CABLES1: variants seen among roughly 807,000 people sequenced by gnomAD.
CABLES1 encodes CDK5 and ABL1 enzyme substrate 1.
Under a neutral mutation model 57.8 loss-of-function variants are expected in CABLES1, and 36 were observed. The ratio of observed to expected loss-of-function variants is 0.62; its 90% CI spans 0.48 to 0.82. The LOEUF (loss-of-function observed/expected upper bound fraction) is 0.82, where lower values mean the gene tolerates loss of function less well. Ranked by LOEUF, CABLES1 falls within the 40% of genes least tolerant of loss-of-function variation. The pLI is 0.00. For missense variants in CABLES1, 767 were observed against 836.6 expected (o/e 0.92, Z 1.03); for synonymous variants, 374 against 363.0 (o/e 1.03, Z -0.35).
intron 4 of CABLES1, among the ~76,000 whole-genome samples, chr18:23,230,794 G>A (rs1336871701): frequency 6.6e-6 from 1 of 152,130 alleles, no homozygotes; most frequent in Non-Finnish European, 1.5e-5. Flanking sequence ...GTGCAAAGAA[G>A]GGCCTGGAAC....
chr18:23,188,695 G>T (rs1276144997), intron 1 of CABLES1, 143 bp from the exon 2 acceptor site: 1 of 678,778 alleles, frequency 1.5e-6, no homozygotes, highest in Non-Finnish European at 2.7e-6. Flanking sequence ...TGGGAACATG[G>T]CAGCCTCTTA....
intron 1 of CABLES1, among the ~76,000 whole-genome samples, chr18:23,167,788 T>C (rs1965752809): frequency 6.6e-6 from 1 of 151,816 alleles, no homozygotes; most frequent in South Asian, 2.1e-4. Flanking sequence ...CCAGGCTTGC[T>C]GCAGGTCGTT....
At chr18:23,176,266 G>A (rs982679959) in intron 1 of CABLES1, among the ~76,000 whole-genome samples, 2 of 152,158 alleles carry the variant, frequency 1.3e-5, no homozygotes, top group Non-Finnish European at 2.9e-5. Flanking sequence ...TGTTCCACCT[G>A]AGATCATTGG....
chr18:23,138,684 A>T (rs1386509941), intron 1 of CABLES1, among the ~76,000 whole-genome samples: 2 of 152,218 alleles, frequency 1.3e-5, no homozygotes, highest in East Asian at 3.8e-4. Context: ...GCACAGACTC[A>T]CTTGAATAAG....
chr18:23,135,054 A>G (rs2046807469), upstream of CABLES1, among the ~76,000 whole-genome samples: 1 of 151,880 alleles, frequency 6.6e-6, no homozygotes, highest in Non-Finnish European at 1.5e-5. Flanking sequence ...GCAGTCCAAA[A>G]CTCTGCAACG....
intron 2 of CABLES1, 65 bp downstream of exon 2, chr18:23,188,974 GT>G (rs2047222533): frequency 1.8e-6 from 2 of 1,128,166 alleles, no homozygotes; most frequent in Non-Finnish European, 2.6e-6. Context: ...ATTGATTTTG[GT>G]TTTTTAACTT....
At chr18:23,197,809 G>A (rs2047295554) in intron 3 of CABLES1, 4 of 152,218 alleles carry the variant, frequency 2.6e-5, no homozygotes, top group African/African-American at 7.2e-5. Context: ...AAGAACACTG[G>A]ATTTTAGGAA....
rs1237475602 is a variant in CABLES1 at position 23,259,980 on chromosome 18, CT to C, written c.*2617del. On this transcript the variant is annotated 3_prime_UTR_variant, in exon 10 of 10. Transcript: ENST00000256925. ...AATACTAGCCGGTTCTGCCTGATTC[CT>C]TTTCCCCCGGAGCCAGCCTAGGGGG... 9 of 121,898 alleles carry C rather than the reference CT, an allele frequency of 7.4e-5. No homozygotes were observed. The South Asian group carries it at 7.6e-4, about 10-fold the overall frequency. 7.6% of individuals were successfully genotyped at this position (121,898 alleles called of 1,614,324 possible).
At chr18:23,216,981 C>T (rs1204953740) in intron 4 of CABLES1, among the ~76,000 whole-genome samples, 1 of 152,152 alleles carries the variant, frequency 6.6e-6, no homozygotes, top group African/African-American at 2.4e-5. Flanking sequence ...GGGATCCCAC[C>T]TTTTACATCC....
chr18:23,136,927 C>T (rs1246090847), intron 1 of CABLES1, among the ~76,000 whole-genome samples: 3 of 152,242 alleles, frequency 2.0e-5, no homozygotes, highest in African/African-American at 4.8e-5. Flanking sequence ...TCACAAACTT[C>T]CTGAAACCCG....
intron 6 of CABLES1, among the ~76,000 whole-genome samples, 158 bp downstream of exon 6, chr18:23,236,209 A>G (rs574410558): frequency 5.9e-5 from 9 of 152,324 alleles, no homozygotes; most frequent in African/African-American, 1.7e-4. Context: ...CAGGCCCGCA[A>G]TGAAGCCGCA....
chr18:23,138,460 G>C (rs906060829), intron 1 of CABLES1, among the ~76,000 whole-genome samples: 1 of 152,188 alleles, frequency 6.6e-6, no homozygotes, highest in African/African-American at 2.4e-5. Context: ...CAACCTGATA[G>C]GCTTTTATAA....
Position 23,234,696 on chromosome 18 carries a change from G to A in CABLES1, c.1177G>A (p.Asp393Asn). 5 of 1,613,126 alleles carry A rather than the reference G, an allele frequency of 3.1e-6. No homozygotes were observed. Among genetic ancestry groups the A allele is most frequent in the Non-Finnish European group, 4.2e-6 (5 of 1,179,600 alleles). ...TCTGGAAGGTGTGGAGCTGGGTGCTGATGGGAAGGTAAGGCTGCCAGGCTG... is the reference window on the plus strand; with the variant it reads ...TCTGGAAGGTGTGGAGCTGGGTGCTAATGGGAAGGTAAGGCTGCCAGGCTG... ...IGLEGVELGADGKTVSYTQFL... is the reference protein window; with the variant it reads ...IGLEGVELGANGKTVSYTQFL... The change falls in exon 5 of 10, where the codon GAT becomes AAT. Residue 393 changes from aspartate (D) to asparagine (N), a missense_variant. By Grantham distance (23) the Asp-to-Asn change is conservative. Transcript: ENST00000256925.
At chr18:23,204,202 G>C (rs913761605) in intron 3 of CABLES1, among the ~76,000 whole-genome samples, 2 of 152,228 alleles carry the variant, frequency 1.3e-5, no homozygotes, top group African/African-American at 4.8e-5. Context: ...ACTCGGCACT[G>C]AGAATACTGG....
chr18:23,147,654 CCT>C (rs1445946760), intron 1 of CABLES1, among the ~76,000 whole-genome samples: 1 of 152,206 alleles, frequency 6.6e-6, no homozygotes, highest in African/African-American at 2.4e-5. Context: ...AAACAGTACC[CCT>C]CTGTTTGGTG....
intron 3 of CABLES1, among the ~76,000 whole-genome samples, chr18:23,209,074 A>G (rs1336643890): frequency 1.3e-5 from 2 of 152,174 alleles, no homozygotes; most frequent in African/African-American, 4.8e-5. Flanking sequence ...AGTCAACCAC[A>G]TGGTCTGAAA....
At chr18:23,169,072 C>T (rs903893089) in intron 1 of CABLES1, among the ~76,000 whole-genome samples, 4 of 152,136 alleles carry the variant, frequency 2.6e-5, no homozygotes, top group African/African-American at 9.7e-5. Flanking sequence ...CCACCAAAAC[C>T]AAAATGGCCA....
chr18:23,195,073 C>T (rs2047272476), intron 3 of CABLES1, among the ~76,000 whole-genome samples: 1 of 152,206 alleles, frequency 6.6e-6, no homozygotes, highest in South Asian at 2.1e-4. Flanking sequence ...TGTGTTTCTC[C>T]AGCTCTTCAG....
At chr18:23,235,489 A>G (rs2047598487) in intron 5 of CABLES1, among the ~76,000 whole-genome samples, 1 of 152,226 alleles carries the variant, frequency 6.6e-6, no homozygotes, top group African/African-American at 2.4e-5. Flanking sequence ...GGAGCAGGGT[A>G]GGAGGCCATG....
Sources: allele counts gnomAD v4.1 joint callset (sites outside exome capture counted in the v4.1 genomes callset), GRCh38; gene constraint gnomAD v4.1.1; transcripts MANE v1.5; gene names NCBI Gene and HGNC (gene_info 2026-07-23, HGNC 2026-07-21).